Variants in LRMDA observed in about 807,000 individuals in gnomAD.
The protein encoded by LRMDA is leucine-rich melanocyte differentiation-associated protein.
A neutral mutation model predicts 29.8 loss-of-function variants in LRMDA; 18 were observed. The observed-to-expected ratio is 0.60, with a 90% CI of 0.42 to 0.90. The LOEUF is 0.90. Ranked by LOEUF, LRMDA falls within the 40% of genes least tolerant of loss-of-function variation. The pLI is 0.00. For missense variants in LRMDA, 273 were observed against 273.9 expected (o/e 1.00, Z 0.02); for synonymous variants, 125 against 109.4 (o/e 1.14, Z -0.89).
At chr10:75,646,342 T>C (rs1841521040) in intron 2 of LRMDA, among the ~76,000 whole-genome samples, 1 of 152,146 alleles carries the variant, frequency 6.6e-6, no homozygotes, top group South Asian at 2.1e-4. Flanking sequence ...TTCTCCCTTC[T>C]TCCACCTCCC....
chr10:75,824,585 T>C (rs530190540), intron 2 of LRMDA, among the ~76,000 whole-genome samples: 1 of 152,338 alleles, frequency 6.6e-6, no homozygotes, highest in African/African-American at 2.4e-5. Context: ...CTCTTGTAGG[T>C]CACACTCTTA....
chr10:76,407,256 G>C (rs1841912224), intron 6 of LRMDA, among the ~76,000 whole-genome samples: 2 of 152,136 alleles, frequency 1.3e-5, no homozygotes, highest in South Asian at 4.1e-4. Context: ...TTGTTTGCCA[G>C]GTGCTCCATA....
intron 2 of LRMDA, among the ~76,000 whole-genome samples, chr10:75,872,498 G>T (rs982202011): frequency 6.6e-6 from 1 of 151,964 alleles, no homozygotes; most frequent in Non-Finnish European, 1.5e-5. Flanking sequence ...TAGAGATGGG[G>T]TTTCACTATG....
rs539290393 is a variant in LRMDA, at chr10:75,470,496, C to G, written c.131+32002C>G. On this transcript the variant is annotated intron_variant, in intron 2 of 6. Coordinates refer to ENST00000611255, the MANE Select transcript of LRMDA (RefSeq NM_001305581.2). Reference sequence around the variant, plus strand: ...TGGGAGACACAGCGAGACTCAGTCTCAAGAAAACAAAGACCCGTAAAGCCG... The same window carrying G: ...TGGGAGACACAGCGAGACTCAGTCTGAAGAAAACAAAGACCCGTAAAGCCG... 4.6e-5 allele frequency among the ~76,000 whole-genome samples: 7 copies of G among 152,266 alleles called. No individual in the cohort carries two copies. In the East Asian group the frequency reaches 1.4e-3, roughly 29 times the overall value.
chr10:76,293,951 C>G (rs1444038642), intron 5 of LRMDA, among the ~76,000 whole-genome samples: 2 of 152,182 alleles, frequency 1.3e-5, no homozygotes, highest in Admixed American at 6.5e-5. Context: ...AGTAGCCATT[C>G]TTTAGCCACA....
At chr10:76,444,669 C>T (rs1458906667) in intron 6 of LRMDA, among the ~76,000 whole-genome samples, 1 of 152,092 alleles carries the variant, frequency 6.6e-6, no homozygotes, top group African/African-American at 2.4e-5. Flanking sequence ...CACCCTATCA[C>T]ACGTTGACGA....
chr10:75,886,373 A>G (rs796827572), intron 2 of LRMDA, among the ~76,000 whole-genome samples: 9 of 152,318 alleles, frequency 5.9e-5, no homozygotes, highest in African/African-American at 2.2e-4. Flanking sequence ...CCTGTATGGT[A>G]GGACCACAAA....
At chr10:76,135,253 C>T (rs1189059381) in intron 5 of LRMDA, among the ~76,000 whole-genome samples, 1 of 152,224 alleles carries the variant, frequency 6.6e-6, no homozygotes, top group African/African-American at 2.4e-5. Flanking sequence ...TAGTGCGTCT[C>T]TGTTCTGAAT....
chr10:75,840,674 A>G (rs746440571), intron 2 of LRMDA, among the ~76,000 whole-genome samples: 1 of 152,242 alleles, frequency 6.6e-6, no homozygotes, highest in African/African-American at 2.4e-5. Flanking sequence ...AAACTCTCAT[A>G]TAGAGCTTGA....
At chr10:76,185,059 C>T (rs1340220567) in intron 5 of LRMDA, among the ~76,000 whole-genome samples, 1 of 152,110 alleles carries the variant, frequency 6.6e-6, no homozygotes, top group African/African-American at 2.4e-5. Context: ...AAATGGCCTC[C>T]TTTAGGATAT....
chr10:75,666,911 T>G (rs896672483), intron 2 of LRMDA, among the ~76,000 whole-genome samples: 2 of 152,172 alleles, frequency 1.3e-5, no homozygotes, highest in Non-Finnish European at 2.9e-5. Flanking sequence ...GACCCAGGTT[T>G]GAGAAATAAA....
intron 6 of LRMDA, among the ~76,000 whole-genome samples, chr10:76,454,884 A>T (rs777516876): frequency 3.9e-5 from 6 of 152,298 alleles, no homozygotes; most frequent in Non-Finnish European, 7.4e-5. Flanking sequence ...TTTCTCTTTG[A>T]TGGAGAATCC....
At chr10:76,229,791 T>C (rs1051313709) in intron 5 of LRMDA, among the ~76,000 whole-genome samples, 2 of 152,118 alleles carry the variant, frequency 1.3e-5, no homozygotes, top group African/African-American at 4.8e-5. Context: ...CATCCTTTTT[T>C]ATAGCTGCTC....
intron 5 of LRMDA, among the ~76,000 whole-genome samples, chr10:76,261,835 C>A (rs1206468065): frequency 6.6e-6 from 1 of 152,126 alleles, no homozygotes; most frequent in Non-Finnish European, 1.5e-5. Context: ...GCCACATGTG[C>A]ACAATAGGTG....
intron 2 of LRMDA, among the ~76,000 whole-genome samples, chr10:75,561,219 G>A (rs9416068): frequency 0.6 from 89,821 of 150,102 alleles, 30,519 homozygotes; most frequent in East Asian, 0.85. Context: ...AGAGCCTGTT[G>A]TTGGTCTATT....
intron 2 of LRMDA, among the ~76,000 whole-genome samples, chr10:75,721,592 A>T (rs1182160004): frequency 6.6e-6 from 1 of 152,096 alleles, no homozygotes. Context: ...TGGAACCTGG[A>T]TCTTTAGAAT....
intron 2 of LRMDA, among the ~76,000 whole-genome samples, chr10:75,640,559 T>C (rs1841439598): frequency 6.6e-6 from 1 of 152,196 alleles, no homozygotes. Flanking sequence ...TCACGTGTAA[T>C]CGAATTATGC....
At chr10:75,470,978 A>C (rs910275533) in intron 2 of LRMDA, among the ~76,000 whole-genome samples, 1 of 152,210 alleles carries the variant, frequency 6.6e-6, no homozygotes, top group African/African-American at 2.4e-5. Flanking sequence ...TGCTTGGTGC[A>C]GAGCTGCTGC....
chr10:75,690,990 T>TACAC (rs748067102), intron 2 of LRMDA, among the ~76,000 whole-genome samples: 73 of 92,016 alleles, frequency 7.9e-4, no homozygotes, highest in African/African-American at 2.3e-3. Flanking sequence ...TATATATATA[T>TACAC]ATATACACAC....
Sources: allele counts gnomAD v4.1 joint callset (sites outside exome capture counted in the v4.1 genomes callset), GRCh38; gene constraint gnomAD v4.1.1; transcripts MANE v1.5; gene names NCBI Gene and HGNC (gene_info 2026-07-23, HGNC 2026-07-21).